SPRY3: variants seen among roughly 807,000 people sequenced by gnomAD.
SPRY3 encodes sprouty RTK signaling antagonist 3.
A neutral mutation model predicts 20.2 loss-of-function variants in SPRY3; 15 were observed. The ratio of observed to expected loss-of-function variants is 0.74; its 90% CI spans 0.50 to 1.14. The LOEUF (loss-of-function observed/expected upper bound fraction) is 1.14, where lower values mean the gene tolerates loss of function less well. Among genes scored for constraint, SPRY3 ranks in the 50% most tolerant of loss-of-function variants. The probability of loss-of-function intolerance (pLI) is 0.00; values close to 1 mark genes in which losing one functional copy is unlikely to be tolerated. For missense variants in SPRY3, 364 were observed against 363.9 expected (o/e 1.00, Z 0.00); for synonymous variants, 143 against 136.5 (o/e 1.05, Z -0.33).
chrX:155,682,719 A>C (rs1271525578), intron 2 of SPRY3, among the ~76,000 whole-genome samples: 1 of 109,794 alleles, frequency 9.1e-6, no homozygotes, highest in Non-Finnish European at 1.9e-5. Flanking sequence ...ATAGGGCCTT[A>C]CTATGTCACT....
intron 2 of SPRY3, among the ~76,000 whole-genome samples, chrX:155,699,361 C>T (rs756613581): frequency 4.5e-5 from 5 of 111,896 alleles, no homozygotes; most frequent in East Asian, 5.7e-4. Context: ...TAGTTGACAA[C>T]GTGGTGAAGC....
intron 2 of SPRY3, among the ~76,000 whole-genome samples, chrX:155,730,573 G>A (rs2091126470): frequency 1.3e-5 from 2 of 151,802 alleles, no homozygotes; most frequent in Non-Finnish European, 2.9e-5. Context: ...CAGACCCACA[G>A]CTAGTATCAT....
intron 1 of SPRY3, among the ~76,000 whole-genome samples, chrX:155,621,795 C>A (rs1285765998): frequency 9.0e-6 from 1 of 111,731 alleles, no homozygotes; most frequent in Non-Finnish European, 1.9e-5. Flanking sequence ...CTCAATATAT[C>A]TGGGGCTCCA....
At chrX:155,629,049 G>A (rs1458070231) in intron 1 of SPRY3, among the ~76,000 whole-genome samples, 1 of 108,447 alleles carries the variant, frequency 9.2e-6, no homozygotes, top group Non-Finnish European at 1.9e-5. Flanking sequence ...TAAGTTCTAG[G>A]GTACATGTGC....
chrX:155,639,842 G>C (rs1400565722), intron 1 of SPRY3, among the ~76,000 whole-genome samples: 1 of 111,799 alleles, frequency 8.9e-6, no homozygotes, highest in African/African-American at 3.2e-5. Flanking sequence ...AGTATACAAG[G>C]GTTCCAGTTA....
chrX:155,767,235 G>T (rs890971174), intron 2 of SPRY3, among the ~76,000 whole-genome samples: 1 of 151,724 alleles, frequency 6.6e-6, no homozygotes, highest in African/African-American at 2.4e-5. Flanking sequence ...GGGGGAGGGG[G>T]GAGAGAAAGA....
At chrX:155,774,090 G>T in exon 4 of SPRY3, 1 of 1,613,958 alleles carries the variant, frequency 6.2e-7, no homozygotes, top group Non-Finnish European at 8.5e-7. Context: ...ATCAACTGCA[G>T]CCCTTGCCTC....
intron 2 of SPRY3, among the ~76,000 whole-genome samples, chrX:155,757,507 G>A (rs1198115827): frequency 6.6e-6 from 1 of 152,138 alleles, no homozygotes; most frequent in African/African-American, 2.4e-5. Flanking sequence ...AGTTGGATAT[G>A]TGGGTCTAGA....
chrX:155,770,754 A>C (rs2091375500), intron 3 of SPRY3, among the ~76,000 whole-genome samples: 2 of 152,104 alleles, frequency 1.3e-5, no homozygotes, highest in Admixed American at 1.3e-4. Context: ...AATCATAAAC[A>C]TTCACGTAGT....
chrX:155,771,239 A>G (rs2091379194), intron 3 of SPRY3, among the ~76,000 whole-genome samples: 2 of 152,114 alleles, frequency 1.3e-5, no homozygotes, highest in South Asian at 4.2e-4. Context: ...TGCTCCCCAG[A>G]CAGGATCCCC....
chrX:155,775,814 C>A (rs1471870055), exon 4 of SPRY3: 3 of 167,088 alleles, frequency 1.8e-5, no homozygotes, highest in African/African-American at 7.2e-5. Flanking sequence ...GGTATGTTCT[C>A]TCTTAGAAGC....
intron 2 of SPRY3, among the ~76,000 whole-genome samples, chrX:155,752,106 T>A (rs1377446281): frequency 6.6e-6 from 1 of 151,714 alleles, no homozygotes; most frequent in East Asian, 1.9e-4. Flanking sequence ...GTAGCAACAA[T>A]GGGAAGAATG....
chrX:155,663,955 T>TTTTTTAA (rs1269401123), intron 2 of SPRY3, among the ~76,000 whole-genome samples: 2 of 111,036 alleles, frequency 1.8e-5, no homozygotes, highest in Non-Finnish European at 3.8e-5. Context: ...TAGCTACTAT[T>TTTTTTAA]TTTTTAATTT....
chrX:155,748,549 T>G (rs1014538241), intron 2 of SPRY3, among the ~76,000 whole-genome samples: 1 of 151,804 alleles, frequency 6.6e-6, no homozygotes, highest in African/African-American at 2.4e-5. Context: ...ATAGTATATT[T>G]CATTAAAGGA....
At chrX:155,703,892 A>G (rs1174444982) in intron 2 of SPRY3, among the ~76,000 whole-genome samples, 1 of 151,858 alleles carries the variant, frequency 6.6e-6, no homozygotes, top group Non-Finnish European at 1.5e-5. Flanking sequence ...TCCATGATAG[A>G]CACAAATTCT....
chrX:155,635,528 A>T (rs985780753), intron 1 of SPRY3, among the ~76,000 whole-genome samples: 4 of 112,065 alleles, frequency 3.6e-5, no homozygotes, highest in African/African-American at 1.3e-4. Flanking sequence ...AAAAAAACAA[A>T]CAACCCCATC....
intron 2 of SPRY3, among the ~76,000 whole-genome samples, chrX:155,727,110 T>C (rs1047880360): frequency 6.6e-6 from 1 of 152,182 alleles, no homozygotes; most frequent in Admixed American, 6.5e-5. Context: ...TTATTTTCTT[T>C]AAGAATGTTG....
At chrX:155,648,833 C>T (rs1263948616) in intron 1 of SPRY3, among the ~76,000 whole-genome samples, 5 of 110,839 alleles carry the variant, frequency 4.5e-5, no homozygotes, top group Admixed American at 9.6e-5. Flanking sequence ...TGAATCCAGG[C>T]GCTGGTTTTT....
chrX:155,755,256 C>T (rs1366296234), intron 2 of SPRY3, among the ~76,000 whole-genome samples: 4 of 149,390 alleles, frequency 2.7e-5, no homozygotes, highest in Admixed American at 6.6e-5. Context: ...TAAATTGCTT[C>T]GCATTTTACT....
Sources: allele counts gnomAD v4.1 joint callset (sites outside exome capture counted in the v4.1 genomes callset), GRCh38; gene constraint gnomAD v4.1.1; transcripts MANE v1.5; gene names NCBI Gene and HGNC (gene_info 2026-07-23, HGNC 2026-07-21).